Variants in MDGA2 observed in about 807,000 individuals in gnomAD.
MDGA2 encodes the protein MAM domain-containing glycosylphosphatidylinositol anchor protein 2.
A neutral mutation model predicts 117.8 loss-of-function variants in MDGA2; 40 were observed. That is an observed-to-expected ratio of 0.34 (90% confidence interval 0.26 to 0.44). The LOEUF (loss-of-function observed/expected upper bound fraction) is 0.44, where lower values mean the gene tolerates loss of function less well. MDGA2 is among the 20% of genes least tolerant of loss of function. MDGA2 has a pLI of 1.00. For synonymous variants in MDGA2, 452 were observed against 439.0 expected, an observed-to-expected ratio of 1.03 and a Z score of -0.37; for missense variants, 1,123 against 1,250.6, an observed-to-expected ratio of 0.90 and a Z score of 1.54.
intron 10 of MDGA2, among the ~76,000 whole-genome samples, chr14:46,912,730 G>A (rs769058972): frequency 6.6e-6 from 1 of 152,112 alleles, no homozygotes; most frequent in Non-Finnish European, 1.5e-5. Flanking sequence ...TCCTCAAGAA[G>A]TATTTGGAGT....
chr14:47,326,384 G>C (rs915123010), intron 1 of MDGA2, among the ~76,000 whole-genome samples: 1 of 152,122 alleles, frequency 6.6e-6, no homozygotes, highest in African/African-American at 2.4e-5. Context: ...TGAAGAATGA[G>C]ACTCAGAAAG....
chr14:47,465,632 A>G (rs1446037317), intron 1 of MDGA2, among the ~76,000 whole-genome samples: 2 of 152,218 alleles, frequency 1.3e-5, no homozygotes, highest in Non-Finnish European at 2.9e-5. Context: ...ACAATGAGAT[A>G]TCATCTCACA....
At chr14:47,231,206 C>A (rs1886677502) in intron 2 of MDGA2, among the ~76,000 whole-genome samples, 1 of 151,942 alleles carries the variant, frequency 6.6e-6, no homozygotes, top group Non-Finnish European at 1.5e-5. Context: ...GACTGTTTTT[C>A]TACTGAAAGT....
At position 46,905,604 on chromosome 14, in the gene MDGA2, G is replaced by C. The variant is rs1363148254; in HGVS notation, c.2238+14408C>G. Reference sequence around the variant, plus strand: ...CTTAAAATTTATCAAGTTATTATCTGGGTATCCAATATGTTACAAAAATAT... The same window carrying C: ...CTTAAAATTTATCAAGTTATTATCTCGGTATCCAATATGTTACAAAAATAT... On this transcript the variant is annotated intron_variant, in intron 10 of 16. Coordinates refer to ENST00000399232, the MANE Select transcript of MDGA2 (RefSeq NM_001113498.3). Among the ~76,000 whole-genome samples, 5 of 152,064 alleles carry C rather than the reference G, an allele frequency of 3.3e-5. No individual in the cohort carries two copies. In the East Asian group the frequency reaches 9.6e-4, roughly 29 times the overall value.
intron 2 of MDGA2, among the ~76,000 whole-genome samples, chr14:47,225,822 T>TA (rs34793510): frequency 0.3 from 45,514 of 150,792 alleles, 7,171 homozygotes; most frequent in African/African-American, 0.41. Context: ...TAATAATAAA[T>TA]AAAAAAAAAC....
chr14:46,955,400 A>ATTTGT lies in MDGA2; in HGVS notation c.2089+1973_2089+1974insACAAA, dbSNP rs1196473398. 5.3e-5 allele frequency among the ~76,000 whole-genome samples: 8 copies of ATTTGT among 152,216 alleles called. No individual in the cohort carries two copies. The East Asian group carries it at 1.5e-3, about 29-fold the overall frequency. On this transcript the variant is annotated intron_variant, in intron 9 of 16. Coordinates refer to ENST00000399232, the MANE Select transcript of MDGA2 (RefSeq NM_001113498.3). ...TAAAACTGCTATGACTTCACCATTA[A>ATTTGT]AATACGAGTAAATAAAATATATGCA...
chr14:47,128,694 A>G (rs1459486744), intron 5 of MDGA2, among the ~76,000 whole-genome samples: 5 of 146,200 alleles, frequency 3.4e-5, no homozygotes, highest in Non-Finnish European at 7.5e-5. Flanking sequence ...CATAATTTCC[A>G]TCACTTTTTT....
At chr14:46,969,777 C>T (rs942801776) in intron 8 of MDGA2, among the ~76,000 whole-genome samples, 1 of 151,400 alleles carries the variant, frequency 6.6e-6, no homozygotes, top group African/African-American at 2.4e-5. Context: ...CACACCGGGG[C>T]CCGTTGTGGG....
At chr14:47,240,627 G>C (rs1280343474) in intron 2 of MDGA2, among the ~76,000 whole-genome samples, 1 of 151,848 alleles carries the variant, frequency 6.6e-6, no homozygotes, top group Admixed American at 6.6e-5. Context: ...TATTTGAAAA[G>C]AAGTCTCAGA....
intron 1 of MDGA2, among the ~76,000 whole-genome samples, chr14:47,370,904 T>C (rs1220098237): frequency 6.6e-6 from 1 of 151,814 alleles, no homozygotes; most frequent in Non-Finnish European, 1.5e-5. Flanking sequence ...ATTAATACTG[T>C]CCTGAATGTA....
chr14:47,209,358 G>C (rs1363750259), intron 3 of MDGA2, among the ~76,000 whole-genome samples: 6 of 152,108 alleles, frequency 3.9e-5, no homozygotes, highest in Non-Finnish European at 8.8e-5. Context: ...AGCTCAGAAG[G>C]CTTATAGAAT....
chr14:47,531,209 C>T (rs763286043), intron 1 of MDGA2, among the ~76,000 whole-genome samples: 88 of 152,156 alleles, frequency 5.8e-4, no homozygotes, highest in Non-Finnish European at 1.0e-3. Flanking sequence ...CATGCCACTG[C>T]ACTCCAGCCT....
At chr14:47,535,324 G>A (rs1895187797) in intron 1 of MDGA2, among the ~76,000 whole-genome samples, 2 of 152,216 alleles carry the variant, frequency 1.3e-5, no homozygotes, top group South Asian at 2.1e-4. Context: ...TCTTGGGCAT[G>A]CAGATGTAAG....
chr14:47,365,839 TG>T (rs1239534537), intron 1 of MDGA2, among the ~76,000 whole-genome samples: 1 of 152,246 alleles, frequency 6.6e-6, no homozygotes, highest in Non-Finnish European at 1.5e-5. Flanking sequence ...AGCTATAGTA[TG>T]GCAACATGTC....
intron 3 of MDGA2, among the ~76,000 whole-genome samples, chr14:47,192,970 T>C (rs568557246): frequency 1.3e-5 from 2 of 152,364 alleles, no homozygotes; most frequent in South Asian, 2.1e-4. Context: ...ACAGTTTTCA[T>C]GTAAACCTCC....
intron 1 of MDGA2, among the ~76,000 whole-genome samples, chr14:47,410,127 C>G (rs555545810): frequency 3.9e-5 from 6 of 152,006 alleles, no homozygotes; most frequent in East Asian, 1.9e-4. Flanking sequence ...GAGCAAAGAC[C>G]GTTTTGCATT....
At chr14:47,119,326 A>C (rs1881528667) in intron 5 of MDGA2, among the ~76,000 whole-genome samples, 1 of 151,816 alleles carries the variant, frequency 6.6e-6, no homozygotes. Context: ...CGGCCTCCCA[A>C]AGTGCTAGGA....
chr14:47,629,974 C>T (rs918902894), intron 1 of MDGA2, among the ~76,000 whole-genome samples: 1 of 152,012 alleles, frequency 6.6e-6, no homozygotes, highest in African/African-American at 2.4e-5. Context: ...TACTGCTGGT[C>T]TATGGACCAC....
At chr14:47,633,989 G>A (rs915055538) in intron 1 of MDGA2, among the ~76,000 whole-genome samples, 2 of 152,172 alleles carry the variant, frequency 1.3e-5, no homozygotes, top group African/African-American at 2.4e-5. Flanking sequence ...TTCCTAGGAT[G>A]AAGTACAGAC....
Sources: gnomAD v4.1 joint callset for allele counts (sites outside exome capture counted in the v4.1 genomes callset) on GRCh38, gnomAD v4.1.1 for gene constraint, MANE v1.5 for transcripts, NCBI Gene and HGNC (gene_info 2026-07-23, HGNC 2026-07-21) for gene names.